DOCK7: variants seen among roughly 807,000 people sequenced by gnomAD.
DOCK7 encodes the protein dedicator of cytokinesis 7, also known as dedicator of cytokinesis protein 7.
Under a neutral mutation model 271.0 loss-of-function variants are expected in DOCK7, and 138 were observed. The observed-to-expected ratio is 0.51, with a 90% confidence interval of 0.44 to 0.59. DOCK7 has a LOEUF of 0.59. Among genes scored for constraint, DOCK7 ranks in the 20% least tolerant of loss-of-function variants. DOCK7 has a pLI of 0.00. For synonymous variants in DOCK7, 823 were observed against 876.1 expected, an observed-to-expected ratio of 0.94 and a Z score of 1.07; for missense variants, 2,066 against 2,592.4, an observed-to-expected ratio of 0.80 and a Z score of 4.41.
At chr1:62,540,165 T>C (rs1191629008) in intron 25 of DOCK7, among the ~76,000 whole-genome samples, 1 of 151,794 alleles carries the variant, frequency 6.6e-6, no homozygotes, top group Non-Finnish European at 1.5e-5. Context: ...ATTTCAACCT[T>C]TAAATTTTTT....
intron 15 of DOCK7, among the ~76,000 whole-genome samples, chr1:62,585,337 A>G (rs578177335): frequency 1.3e-5 from 2 of 152,296 alleles, no homozygotes; most frequent in South Asian, 4.1e-4. Flanking sequence ...AAAGATGGAC[A>G]TGGAAGGATA....
intron 29 of DOCK7, among the ~76,000 whole-genome samples, chr1:62,533,576 C>G (rs184633155): frequency 2.0e-4 from 31 of 152,202 alleles, no homozygotes; most frequent in Admixed American, 1.1e-3. Flanking sequence ...CACTGCCCAC[C>G]CCAATCTACA....
chr1:62,646,078 C>T (rs1426184081), intron 7 of DOCK7, among the ~76,000 whole-genome samples: 4 of 148,154 alleles, frequency 2.7e-5, no homozygotes, highest in East Asian at 2.1e-4. Context: ...ACCCGGGAGG[C>T]GGAGGTTGCA....
In DOCK7 at chr1:62,559,050, A is replaced by T. The variant is rs1646235520; in HGVS notation, c.2370T>A (p.His790Gln). 2 of 1,613,810 alleles carry T rather than the reference A, an allele frequency of 1.2e-6. 1 individual carries two copies. Among genetic ancestry groups the T allele is most frequent in the Non-Finnish European group, 1.7e-6 (2 of 1,179,914 alleles). Residue 790 changes from histidine (H) to glutamine (Q), a missense_variant, in exon 20 of 50, where the codon CAT (histidine) becomes CAA (glutamine). By Grantham distance (24) the His-to-Gln change is conservative (BLOSUM62 0). Coordinates refer to ENST00000635253, the MANE Select transcript of DOCK7 (RefSeq NM_001367561.1). ...AAAGTATCAGTTTATCTAGCAGAAG[A>T]TGAAGAAATCGGACCACTGGTTCCA... Reference protein sequence around the residue: ...SQLEPVVRFLHLLLDKLILLV... With the variant: ...SQLEPVVRFLQLLLDKLILLV...
Position 62,584,945 on chromosome 1 carries a change from T to C in DOCK7, c.1800+1562A>G. On this transcript the variant is annotated intron_variant, in intron 15 of 49. Transcript: ENST00000635253. ...TGTTAGGTAAACAATAAAAAATAGA[T>C]TATTCTACATATATTACATTTGTCG... 1.2e-5 allele frequency: 8 copies of C among 665,510 alleles called. 1 individual carries two copies. In the South Asian group the frequency reaches 1.3e-4, roughly 11 times the overall value. The allele number at this position is 665,510 out of a possible 1,614,324, so 41.2% of individuals were successfully genotyped here.
rs374559947 is a variant in DOCK7 at position 62,589,076 on chromosome 1, C to T, written c.1683-2452G>A. ...CCATTAATTAATTAAGGTTGCCAAA[C>T]GGTAATATCCTGTCATTTCTTTTTA... On this transcript the variant is annotated intron_variant, in intron 14 of 49. Coordinates refer to ENST00000635253, the MANE Select transcript of DOCK7 (RefSeq NM_001367561.1). 9.8e-5 allele frequency among the ~76,000 whole-genome samples: 15 copies of T among 152,296 alleles called. No individual in the cohort carries two copies. In the East Asian group the frequency reaches 1.9e-3, roughly 20 times the overall value.
intron 16 of DOCK7, among the ~76,000 whole-genome samples, chr1:62,579,656 C>A (rs1000020965): frequency 3.6e-5 from 5 of 139,622 alleles, no homozygotes; most frequent in Non-Finnish European, 6.1e-5. Context: ...GAGCTATGAT[C>A]CTGCCACTGC....
chr1:62,555,942 G>A lies in DOCK7; in HGVS notation c.2479C>T (p.Arg827Ter), dbSNP rs1275710645. 6.2e-7 allele frequency: 1 copy of A among 1,613,818 alleles called. No homozygotes were observed. Among genetic ancestry groups the A allele is most frequent in the Non-Finnish European group, 8.5e-7 (1 of 1,179,894 alleles). Reference protein sequence around the residue: ...SFEAMASIINRLHKNLEGNHD... With the variant: ...SFEAMASIIN ...TTTCCTTCCAAGTTTTTGTGAAGTC[G>A]ATTTATAATTGATGCCATGGCTTCA... is the stretch of plus-strand genomic sequence containing the variant. The change falls in exon 21 of 50, where the codon CGA (arginine) becomes TGA (stop). Residue 827 changes from arginine (R) to a stop codon, truncating the protein, a stop_gained. Coordinates refer to ENST00000635253, the MANE Select transcript of DOCK7 (RefSeq NM_001367561.1). LOFTEE classifies it high-confidence loss of function.
At chr1:62,603,469 T>G (rs1161756849) in intron 14 of DOCK7, among the ~76,000 whole-genome samples, 1 of 151,792 alleles carries the variant, frequency 6.6e-6, no homozygotes, top group Non-Finnish European at 1.5e-5. Context: ...TTTTTTAAAT[T>G]TATTCCTGTC....
chr1:62,485,326 G>A, intron 43 of DOCK7: 1 of 985,150 alleles, frequency 1.0e-6, no homozygotes, highest in South Asian at 4.7e-5. Flanking sequence ...GAAATACTAA[G>A]TTTTAGAGTT....
intron 12 of DOCK7, among the ~76,000 whole-genome samples, chr1:62,620,332 AAT>A (rs1289792578): frequency 3.0e-4 from 45 of 151,734 alleles, no homozygotes; most frequent in African/African-American, 9.9e-4. Context: ...AAAATAAATA[AAT>A]AAATAAATAA....
rs113783086 is a variant in DOCK7 at position 62,571,703 on chromosome 1, C to G, written c.2112+5559G>C. 9.9e-5 allele frequency among the ~76,000 whole-genome samples: 15 copies of G among 152,214 alleles called. No homozygotes were observed. The South Asian group carries it at 3.1e-3, about 32-fold the overall frequency. ...TAAAGAAAATGTGGTACATATACAC[C>G]GTGGAATACTACGCAGCAATAAAAA... On this transcript the variant is annotated intron_variant, in intron 18 of 49. Coordinates refer to ENST00000635253, the MANE Select transcript of DOCK7 (RefSeq NM_001367561.1).
intron 48 of DOCK7, among the ~76,000 whole-genome samples, chr1:62,472,095 G>GT (rs149717026): frequency 9.3e-5 from 14 of 151,194 alleles, no homozygotes; most frequent in Admixed American, 2.6e-4. Flanking sequence ...CTGTTATTTC[G>GT]TTTTTTTTGT....
intron 43 of DOCK7, chr1:62,485,159 A>G: frequency 1.0e-6 from 1 of 985,354 alleles, no homozygotes; most frequent in Non-Finnish European, 1.2e-6. Context: ...TTAAAAGACA[A>G]CAAACATGCT....
intron 1 of DOCK7, among the ~76,000 whole-genome samples, chr1:62,670,221 C>T (rs1659810822): frequency 6.6e-6 from 1 of 152,256 alleles, no homozygotes; most frequent in Non-Finnish European, 1.5e-5. Flanking sequence ...CGAGCGCCAC[C>T]CCCTGCTCCA....
Position 62,598,774 on chromosome 1 carries a change from CA to C in DOCK7, c.1683-12151del, listed in dbSNP as rs577189349. On this transcript the variant is annotated intron_variant, in intron 14 of 49. Coordinates refer to ENST00000635253, the MANE Select transcript of DOCK7 (RefSeq NM_001367561.1). ...AGACCAATATAAACAATTAAACCAA[CA>C]GCATAGTCAAATAAAAGAAATAGAA... 6.7e-5 allele frequency: 108 copies of C among 1,607,094 alleles called. No homozygotes were observed. In the African/African-American group the frequency reaches 1.3e-3, roughly 19 times the overall value.
In DOCK7 at chr1:62,525,330, AAATTATGC is replaced by A. The variant is rs1472695121; in HGVS notation, c.3936+2813_3936+2820del. 2.0e-5 allele frequency among the ~76,000 whole-genome samples: 3 copies of A among 152,172 alleles called. No homozygotes were observed. In the East Asian group the frequency reaches 5.8e-4, roughly 30 times the overall value. ...GGCCTAGATGGTAAAACTCTAAACA[AAATTATGC>A]AATTATATCATCAATCAGGACACTG... On this transcript the variant is annotated intron_variant, in intron 31 of 49. Transcript: ENST00000635253.
At chr1:62,555,803 C>T in intron 21 of DOCK7, 22 bp downstream of exon 21, 3 of 1,597,264 alleles carry the variant, frequency 1.9e-6, no homozygotes, top group South Asian at 2.2e-5. Context: ...AAGACAGCTT[C>T]ATAGTAAAAA....
At chr1:62,579,249 A>T (rs1647036735) in intron 16 of DOCK7, among the ~76,000 whole-genome samples, 3 of 152,146 alleles carry the variant, frequency 2.0e-5, no homozygotes. Context: ...TGAGATCTCC[A>T]TTAGATTGGA....
Sources: gnomAD v4.1 joint callset for allele counts (sites outside exome capture counted in the v4.1 genomes callset) on GRCh38, gnomAD v4.1.1 for gene constraint, MANE v1.5 for transcripts, NCBI Gene and HGNC (gene_info 2026-07-23, HGNC 2026-07-21) for gene names.